Variants in ELAVL1 observed in about 807,000 individuals in gnomAD.
ELAVL1 encodes the protein ELAV like RNA binding protein 1, also known as ELAV-like protein 1.
Under a neutral mutation model 28.4 loss-of-function variants are expected in ELAVL1, and 1 was observed. The observed-to-expected ratio is 0.04, with a 90% CI of 0.01 to 0.17. The LOEUF is 0.17. ELAVL1 is among the 10% of genes least tolerant of loss of function. The pLI is 1.00. For missense variants in ELAVL1, 157 were observed against 447.2 expected (o/e 0.35, Z 5.85); for synonymous variants, 174 against 183.5 (o/e 0.95, Z 0.42).
rs145090438 is a variant in ELAVL1, at chr19:7,974,967, G to A, written c.277-1089C>T. Among the ~76,000 whole-genome samples the A allele has an allele frequency of 3.3e-5, 5 of 152,296 alleles. 1 individual carries two copies. Among genetic ancestry groups the A allele is most frequent in the African/African-American group, 9.6e-5 (4 of 41,564 alleles). ...CAGCAGGGGAACAGGACAGCCCCAC[G>A]AGGAGAGGAGTGTGGGGCTGGAGGC... On this transcript the variant is annotated intron_variant, in intron 3 of 5. Coordinates refer to ENST00000407627, the MANE Select transcript of ELAVL1 (RefSeq NM_001419.3).
chr19:7,991,965 G>A (rs1374088067), intron 1 of ELAVL1, 134 bp from the exon 2 acceptor site: 3 of 754,642 alleles, frequency 4.0e-6, no homozygotes, highest in Non-Finnish European at 3.8e-6. Context: ...TTTTGAGACA[G>A]AGTCTCACTC....
rs1274793833 is a variant in ELAVL1, at chr19:7,962,835, G to A, written c.*648C>T. On this transcript the variant is annotated 3_prime_UTR_variant, in exon 6 of 6. Transcript: ENST00000407627. Reference sequence around the variant, plus strand: ...CATTCCCATTGGTGCCTGGGCTTACGAAACACGTTTGTGTCCTTCTCTGGA... The same window carrying A: ...CATTCCCATTGGTGCCTGGGCTTACAAAACACGTTTGTGTCCTTCTCTGGA... The A allele has an allele frequency of 6.5e-6, 1 of 152,710 alleles. No individual in the cohort carries two copies. Among genetic ancestry groups the A allele is most frequent in the South Asian group, 2.1e-4 (1 of 4,836 alleles). The allele number at this position is 152,710 out of a possible 1,614,324, so 9.5% of individuals were successfully genotyped here. A position where few individuals can be genotyped will look rare whatever the true frequency, so the allele number is the denominator to read the frequency against.
intron 1 of ELAVL1, among the ~76,000 whole-genome samples, chr19:7,993,163 C>A (rs1275789167): frequency 1.3e-5 from 2 of 152,188 alleles, no homozygotes; most frequent in African/African-American, 4.8e-5. Flanking sequence ...CCTAAAACTG[C>A]TCTAAAAAAT....
intron 4 of ELAVL1, among the ~76,000 whole-genome samples, chr19:7,972,726 A>C (rs1393195950): frequency 2.7e-5 from 4 of 149,658 alleles, no homozygotes; most frequent in Admixed American, 1.3e-4. Flanking sequence ...TCCTGGGCTC[A>C]AGCAATCCTC....
In ELAVL1 at chr19:7,958,607, T is replaced by C. The variant is rs911952932; in HGVS notation, c.*4876A>G. The C allele has an allele frequency of 6.6e-6, 1 of 152,184 alleles. No individual in the cohort carries two copies. Among genetic ancestry groups the C allele is most frequent in the African/African-American group, 2.4e-5 (1 of 41,428 alleles). The allele number at this position is 152,184 out of a possible 1,614,324, so 9.4% of individuals were successfully genotyped here. ...TCCCACTTCATTTATTACCAAAATATCACAGAATTCCAGTCATAGTTAACA... is the reference window on the plus strand; with the variant it reads ...TCCCACTTCATTTATTACCAAAATACCACAGAATTCCAGTCATAGTTAACA... On this transcript the variant is annotated 3_prime_UTR_variant, in exon 6 of 6. Coordinates refer to ENST00000407627, the MANE Select transcript of ELAVL1 (RefSeq NM_001419.3).
At chr19:7,993,395 CA>C (rs1985802687) in intron 1 of ELAVL1, among the ~76,000 whole-genome samples, 1 of 152,192 alleles carries the variant, frequency 6.6e-6, no homozygotes, top group Non-Finnish European at 1.5e-5. Context: ...GGCAGGTAGG[CA>C]ATGGTCCTCT....
intron 2 of ELAVL1, among the ~76,000 whole-genome samples, chr19:7,987,473 C>A (rs1446754003): frequency 6.6e-6 from 1 of 152,286 alleles, no homozygotes; most frequent in Non-Finnish European, 1.5e-5. Flanking sequence ...GGTGGAACAG[C>A]CAACAACCAA....
intron 5 of ELAVL1, among the ~76,000 whole-genome samples, chr19:7,964,608 G>A (rs1233065006): frequency 6.6e-6 from 1 of 152,140 alleles, no homozygotes; most frequent in Non-Finnish European, 1.5e-5. Flanking sequence ...GCCAAGGTGG[G>A]AGGATCACTT....
intron 4 of ELAVL1, chr19:7,973,229 CTT>C (rs758693392): frequency 0.14 from 19,476 of 139,368 alleles, 1,674 homozygotes; most frequent in Non-Finnish European, 0.21. Flanking sequence ...TAATCCCCAG[CTT>C]TTTTTTTTTT....
chr19:7,988,488 G>A (rs1985663802), intron 2 of ELAVL1, among the ~76,000 whole-genome samples: 1 of 152,204 alleles, frequency 6.6e-6, no homozygotes, highest in South Asian at 2.1e-4. Context: ...CATGGCCTCA[G>A]GGGCAGTTAG....
intron 1 of ELAVL1, chr19:8,002,199 G>T: frequency 8.5e-7 from 1 of 1,175,646 alleles, no homozygotes; most frequent in Non-Finnish European, 1.1e-6. Context: ...CCCACCTCCG[G>T]GCTTGGCTGT....
In ELAVL1 at chr19:7,961,957, G is replaced by A. The variant is rs1430384829; in HGVS notation, c.*1526C>T. 6.5e-6 allele frequency: 1 copy of A among 152,768 alleles called. No homozygotes were observed. The highest frequency in any genetic ancestry group is 2.4e-5 in the African/African-American group (1 of 41,434). 9.5% of individuals were successfully genotyped at this position (152,768 alleles called of 1,614,324 possible). A position where few individuals can be genotyped will look rare whatever the true frequency, so the allele number is the denominator to read the frequency against. On this transcript the variant is annotated 3_prime_UTR_variant, in exon 6 of 6. Coordinates refer to ENST00000407627, the MANE Select transcript of ELAVL1 (RefSeq NM_001419.3). ...TAGTCTCACGTCAAGGTTAAAAACT[G>A]CTGGTACTAAGTTATCCTGTTTGTG...
intron 1 of ELAVL1, among the ~76,000 whole-genome samples, chr19:7,999,115 G>A (rs1343797631): frequency 6.6e-6 from 1 of 152,240 alleles, no homozygotes; most frequent in Non-Finnish European, 1.5e-5. Flanking sequence ...GCTTATGCCT[G>A]TAATCCCAGC....
At chr19:8,002,094 G>A in intron 1 of ELAVL1, 1 of 1,289,320 alleles carries the variant, frequency 7.8e-7, no homozygotes, top group Non-Finnish European at 1.0e-6. Context: ...GGACACCTGA[G>A]CACTCCTGCC....
intron 2 of ELAVL1, among the ~76,000 whole-genome samples, chr19:7,990,585 C>T (rs1279864672): frequency 2.0e-5 from 3 of 151,934 alleles, no homozygotes; most frequent in Non-Finnish European, 4.4e-5. Flanking sequence ...CCAGGCTGGT[C>T]TTGAACTTCT....
At chr19:8,002,142 C>G in intron 1 of ELAVL1, 1 of 1,288,820 alleles carries the variant, frequency 7.8e-7, no homozygotes, top group Non-Finnish European at 1.0e-6. Context: ...CCTAAAGAAC[C>G]CACGTGGTTC....
chr19:7,993,178 T>C (rs1985797534), intron 1 of ELAVL1, among the ~76,000 whole-genome samples: 1 of 152,348 alleles, frequency 6.6e-6, no homozygotes, highest in East Asian at 1.9e-4. Flanking sequence ...AAAAATAGTC[T>C]ATGGACACAA....
At position 7,981,320 on chromosome 19, in the gene ELAVL1, C is replaced by A; in HGVS notation, c.173-134G>T. 1 of 712,596 alleles carries A rather than the reference C, an allele frequency of 1.4e-6. No homozygotes were observed. 44.1% of individuals were successfully genotyped at this position (712,596 alleles called of 1,614,324 possible). ...TGCTAGCAAACTTTATTTTCTTTGG[C>A]AAACACGTACATTTTCTGCAATGAA... On this transcript the variant is annotated intron_variant, in intron 2 of 5. Transcript: ENST00000407627. This position sits in a 1 kb window ranked among gnomAD's most constrained non-coding sequence, Gnocchi z 4.2.
chr19:8,001,416 T>G (rs1355843448), intron 1 of ELAVL1, among the ~76,000 whole-genome samples: 1 of 152,082 alleles, frequency 6.6e-6, no homozygotes, highest in Non-Finnish European at 1.5e-5. Context: ...ACCATCCCTA[T>G]TCAGATTCCT....
Sources: allele counts gnomAD v4.1 joint callset (sites outside exome capture counted in the v4.1 genomes callset), GRCh38; gene constraint gnomAD v4.1.1; non-coding constraint Gnocchi (gnomAD v3.1); transcripts MANE v1.5; gene names NCBI Gene and HGNC (gene_info 2026-07-23, HGNC 2026-07-21).